Variants in PTPRN2 observed in about 807,000 individuals in gnomAD.
PTPRN2 encodes protein tyrosine phosphatase receptor type N2.
In PTPRN2, 74 loss-of-function variants were observed where a neutral mutation model predicts 118.8. That is an observed-to-expected ratio of 0.62 (90% CI 0.52 to 0.76). The LOEUF (loss-of-function observed/expected upper bound fraction) is 0.76. Ranked by LOEUF, PTPRN2 falls within the 30% of genes least tolerant of loss-of-function variation. The probability of loss-of-function intolerance (pLI) is 0.00; values close to 1 mark genes in which losing one functional copy is unlikely to be tolerated. For synonymous variants in PTPRN2, 641 were observed against 608.0 expected (o/e 1.05, Z -0.80); for missense variants, 1,481 against 1,394.4 (o/e 1.06, Z -0.99).
At chr7:158,561,768 G>A (rs940718092) in intron 1 of PTPRN2, among the ~76,000 whole-genome samples, 1 of 152,166 alleles carries the variant, frequency 6.6e-6, no homozygotes, top group Non-Finnish European at 1.5e-5. Flanking sequence ...TTCCGACAGG[G>A]GAGATGGCCC....
chr7:158,521,019 C>T (rs1419555254), intron 1 of PTPRN2, among the ~76,000 whole-genome samples: 1 of 152,244 alleles, frequency 6.6e-6, no homozygotes, highest in East Asian at 1.9e-4. Context: ...TCTCCCACAG[C>T]AGGATTCCAA....
chr7:158,162,358 G>A (rs772972100), intron 6 of PTPRN2, among the ~76,000 whole-genome samples: 8 of 152,130 alleles, frequency 5.3e-5, no homozygotes, highest in Non-Finnish European at 8.8e-5. Context: ...CTCAGTAGGC[G>A]AATAAACTGT....
chr7:157,967,351 G>A (rs12535615), intron 11 of PTPRN2, among the ~76,000 whole-genome samples: 1 of 152,202 alleles, frequency 6.6e-6, no homozygotes, highest in Non-Finnish European at 1.5e-5. Flanking sequence ...CAGGTTAGAA[G>A]TCCAGCCCGG....
intron 2 of PTPRN2, among the ~76,000 whole-genome samples, chr7:158,376,429 G>C (rs1482121325): frequency 5.5e-5 from 8 of 145,382 alleles, no homozygotes; most frequent in African/African-American, 1.8e-4. Flanking sequence ...CATACGTCCT[G>C]AGGGAGGGGT....
chr7:157,663,572 G>A (rs1203456468), intron 13 of PTPRN2, among the ~76,000 whole-genome samples: 3 of 152,310 alleles, frequency 2.0e-5, no homozygotes, highest in South Asian at 4.1e-4. Flanking sequence ...CCCTGCCAGC[G>A]TCCCTTCCCC....
At chr7:158,218,464 G>C (rs1469717099) in intron 3 of PTPRN2, among the ~76,000 whole-genome samples, 1 of 152,088 alleles carries the variant, frequency 6.6e-6, no homozygotes, top group East Asian at 1.9e-4. Context: ...AAACAAGAAA[G>C]ATACCTGCCT....
At chr7:158,300,255 A>C (rs75445665) in intron 3 of PTPRN2, among the ~76,000 whole-genome samples, 1 of 152,152 alleles carries the variant, frequency 6.6e-6, no homozygotes, top group Non-Finnish European at 1.5e-5. Flanking sequence ...CCCAATGGTG[A>C]CAGTCAGGCT....
At chr7:158,048,374 C>T (rs1389614274) in intron 11 of PTPRN2, among the ~76,000 whole-genome samples, 1 of 152,104 alleles carries the variant, frequency 6.6e-6, no homozygotes, top group Non-Finnish European at 1.5e-5. Flanking sequence ...CCTCATGTTA[C>T]ATTTTCTTAG....
intron 11 of PTPRN2, among the ~76,000 whole-genome samples, chr7:158,049,217 CATT>C (rs1474882293): frequency 2.0e-5 from 3 of 151,820 alleles, no homozygotes; most frequent in African/African-American, 4.8e-5. Context: ...TCATCATCAT[CATT>C]GTCATCAGCA....
chr7:158,218,792 C>A (rs902282918), intron 3 of PTPRN2, among the ~76,000 whole-genome samples: 5 of 152,110 alleles, frequency 3.3e-5, no homozygotes. Context: ...ATTCTTATAT[C>A]AGATGAAGCA....
intron 14 of PTPRN2, among the ~76,000 whole-genome samples, chr7:157,623,288 G>A (rs1803376654): frequency 6.6e-6 from 1 of 152,206 alleles, no homozygotes. Context: ...GATAGTTATG[G>A]TGAAAGGATA....
At chr7:157,651,031 C>T (rs1805620004) in intron 14 of PTPRN2, among the ~76,000 whole-genome samples, 3 of 152,178 alleles carry the variant, frequency 2.0e-5, no homozygotes, top group South Asian at 2.1e-4. Flanking sequence ...CAGCTTGTGC[C>T]GGCATCTGTT....
chr7:158,094,262 C>A (rs117916796), intron 10 of PTPRN2, among the ~76,000 whole-genome samples: 1 of 152,116 alleles, frequency 6.6e-6, no homozygotes, highest in Non-Finnish European at 1.5e-5. Flanking sequence ...GCAGAACGCT[C>A]GCCATTCCCG....
At chr7:158,439,967 G>A (rs922818664) in intron 2 of PTPRN2, among the ~76,000 whole-genome samples, 7 of 152,248 alleles carry the variant, frequency 4.6e-5, no homozygotes, top group Non-Finnish European at 8.8e-5. Flanking sequence ...GTGACATCAT[G>A]TTGAGGCATC....
At chr7:157,633,376 C>T (rs1413473195) in intron 14 of PTPRN2, among the ~76,000 whole-genome samples, 6 of 152,190 alleles carry the variant, frequency 3.9e-5, no homozygotes, top group Admixed American at 6.5e-5. Context: ...CTCCTGACCT[C>T]GGGTGATCTG....
chr7:158,278,898 T>C (rs960126036), intron 3 of PTPRN2, among the ~76,000 whole-genome samples: 1 of 151,942 alleles, frequency 6.6e-6, no homozygotes, highest in African/African-American at 2.4e-5. Context: ...TCACAGTGAG[T>C]GTTACAGCTC....
At chr7:158,131,455 C>T (rs1818278424) in intron 9 of PTPRN2, among the ~76,000 whole-genome samples, 1 of 143,628 alleles carries the variant, frequency 7.0e-6, no homozygotes, top group Non-Finnish European at 1.5e-5. Context: ...TGAAACACAT[C>T]TACCTGACAC....
intron 10 of PTPRN2, among the ~76,000 whole-genome samples, chr7:158,085,585 C>T (rs1474328693): frequency 8.2e-6 from 1 of 122,164 alleles, no homozygotes; most frequent in African/African-American, 3.2e-5. Context: ...CCTCGACGCC[C>T]ATCCAGATAC....
chr7:157,768,528 G>T lies in PTPRN2; in HGVS notation c.1789-85591C>A, dbSNP rs540987279. On this transcript the variant is annotated intron_variant, in intron 12 of 22. Coordinates refer to ENST00000389418, the MANE Select transcript of PTPRN2 (RefSeq NM_002847.5). ...GCAACACTTGTCTTCAAGGAGCCAT[G>T]ATGGGGATGACGTGAGGCTCCCCAG... Among the ~76,000 whole-genome samples the T allele has an allele frequency of 5.3e-5, 8 of 152,312 alleles. No homozygotes were observed. In the South Asian group the frequency reaches 1.2e-3, roughly 24 times the overall value.
Sources: gnomAD v4.1 joint callset for allele counts (sites outside exome capture counted in the v4.1 genomes callset) on GRCh38, gnomAD v4.1.1 for gene constraint, MANE v1.5 for transcripts, NCBI Gene and HGNC (gene_info 2026-07-23, HGNC 2026-07-21) for gene names.